The following NCKAP1 variants were observed in gnomAD, a reference collection of about 807,000 sequenced individuals.
NCKAP1 encodes the protein nck-associated protein 1.
NCKAP1 carries 21 observed loss-of-function variants against 151.2 expected under a neutral mutation model. The observed-to-expected ratio is 0.14, with a 90% CI of 0.10 to 0.20. NCKAP1 has a LOEUF of 0.20. Ranked by LOEUF, NCKAP1 falls within the 10% of genes least tolerant of loss-of-function variation. The pLI, the probability that NCKAP1 is intolerant of heterozygous loss-of-function variation, is 1.00. For missense variants in NCKAP1, 933 were observed against 1,352.1 expected (o/e 0.69, Z 4.86); for synonymous variants, 484 against 451.8 (o/e 1.07, Z -0.90).
At chr2:182,941,609 G>C (rs1230795751) in intron 24 of NCKAP1, among the ~76,000 whole-genome samples, 1 of 152,162 alleles carries the variant, frequency 6.6e-6, no homozygotes, top group Non-Finnish European at 1.5e-5. Flanking sequence ...TGATGGAACT[G>C]TTCTATATCT....
intron 18 of NCKAP1, among the ~76,000 whole-genome samples, chr2:182,959,702 A>G (rs893931296): frequency 6.6e-6 from 1 of 151,914 alleles, no homozygotes; most frequent in African/African-American, 2.4e-5. Flanking sequence ...CTCTCTCACC[A>G]CTCCTATTCA....
At chr2:183,026,098 C>G (rs1300427461) in intron 1 of NCKAP1, among the ~76,000 whole-genome samples, 1 of 152,088 alleles carries the variant, frequency 6.6e-6, no homozygotes, top group Non-Finnish European at 1.5e-5. Context: ...CACACATACA[C>G]ATATATAAAT....
Position 182,926,846 on chromosome 2 carries a change from A to G in NCKAP1, c.3240T>C (p.Asn1080=). 6.2e-7 allele frequency: 1 copy of G among 1,604,556 alleles called. No homozygotes were observed. The highest frequency in any genetic ancestry group is 2.2e-5 in the East Asian group (1 of 44,558). The part of the protein sequence containing the change: ...GQETDKTTTR[N]RESVYLLLDM... ...CTAGCAGTAAATAAACAGATTCTCTATTTCTTGTTGTAGTTTTATCTGTCT... is the reference window on the plus strand; with the variant it reads ...CTAGCAGTAAATAAACAGATTCTCTGTTTCTTGTTGTAGTTTTATCTGTCT... Residue 1080 remains asparagine (N), a synonymous_variant, in exon 30 of 31, where the codon AAT becomes AAC. Transcript: ENST00000361354.
At chr2:182,954,179 G>T (rs1697277500) in intron 20 of NCKAP1, among the ~76,000 whole-genome samples, 1 of 152,120 alleles carries the variant, frequency 6.6e-6, no homozygotes, top group Admixed American at 6.5e-5. Context: ...CTGACTTAGT[G>T]CTGCCTCTAA....
intron 4 of NCKAP1, 32 bp downstream of exon 4, chr2:183,002,942 T>C: frequency 6.4e-7 from 1 of 1,553,878 alleles, no homozygotes; most frequent in Non-Finnish European, 8.9e-7. Context: ...GGAAACAGAA[T>C]AATTGGACAT....
intron 24 of NCKAP1, among the ~76,000 whole-genome samples, chr2:182,938,607 G>C (rs1696929986): frequency 6.6e-6 from 1 of 152,094 alleles, no homozygotes. Context: ...AGTAAGACAG[G>C]TGGTAAGATG....
At chr2:182,949,847 T>C (rs569102134) in intron 23 of NCKAP1, among the ~76,000 whole-genome samples, 3 of 152,290 alleles carry the variant, frequency 2.0e-5, no homozygotes, top group South Asian at 4.2e-4. Flanking sequence ...CCAACAAATA[T>C]TTACTAAGTG....
At chr2:183,004,881 T>A (rs564805337) in intron 2 of NCKAP1, among the ~76,000 whole-genome samples, 1 of 30,436 alleles carries the variant, frequency 3.3e-5, no homozygotes, top group East Asian at 9.7e-4. Context: ...TGAGACTCCA[T>A]CTCAAAAAAA....
intron 13 of NCKAP1, among the ~76,000 whole-genome samples, 200 bp downstream of exon 13, chr2:182,981,044 T>C (rs758747703): frequency 1.3e-5 from 2 of 152,246 alleles, no homozygotes; most frequent in Non-Finnish European, 2.9e-5. Context: ...CTGAGCTTTA[T>C]ATATACTTAA....
chr2:182,948,899 C>T (rs893234521), intron 23 of NCKAP1, among the ~76,000 whole-genome samples: 15 of 152,292 alleles, frequency 9.8e-5, no homozygotes, highest in Non-Finnish European at 2.1e-4. Context: ...TTATCTGAAA[C>T]TCATTCTTGG....
chr2:182,923,838 T>G lies in NCKAP1; in HGVS notation c.*1864A>C, dbSNP rs1314969917. On this transcript the variant is annotated 3_prime_UTR_variant, in exon 31 of 31. Transcript: ENST00000361354. ...GCCACGCCTCCTCCCCCGCCTTTGC[T>G]GTATGAGAAAAAATTTGGACAAAAA... The G allele has an allele frequency of 1.3e-5, 2 of 152,228 alleles. No individual in the cohort carries two copies. The highest frequency in any genetic ancestry group is 2.9e-5 in the Non-Finnish European group (2 of 68,040). 9.4% of individuals were successfully genotyped at this position (152,228 alleles called of 1,614,324 possible).
At chr2:182,965,083 T>C (rs6724104) in intron 16 of NCKAP1, among the ~76,000 whole-genome samples, 1 of 152,094 alleles carries the variant, frequency 6.6e-6, no homozygotes, top group African/African-American at 2.4e-5. Context: ...TAAGTCACTA[T>C]AAATAGGAAA....
intron 15 of NCKAP1, among the ~76,000 whole-genome samples, chr2:182,972,066 T>G (rs1010748355): frequency 2.0e-5 from 3 of 151,414 alleles, no homozygotes; most frequent in African/African-American, 7.3e-5. Flanking sequence ...AATGGATAAA[T>G]AGGATCACAT....
rs567050117 is a variant in NCKAP1, at chr2:182,980,929, CACCTGATTTATGAT to C, written c.1341+301_1341+314del. ...ACCAGGGTGATCTTTTTAAGTAGTA[CACCTGATTTATGAT>C]TAACCTCCTCTTTCCCAAGGCCCTC... On this transcript the variant is annotated intron_variant, in intron 13 of 30. Transcript: ENST00000361354. 2.0e-4 allele frequency among the ~76,000 whole-genome samples: 30 copies of C among 152,230 alleles called. 2 individuals are homozygous for C. The South Asian group carries it at 4.4e-3, about 22-fold the overall frequency.
intron 23 of NCKAP1, among the ~76,000 whole-genome samples, chr2:182,951,813 T>C (rs1280082540): frequency 6.6e-6 from 1 of 152,136 alleles, no homozygotes. Context: ...AGTTATTATA[T>C]ATACAGATTC....
At position 182,910,345 on chromosome 2, in the gene NCKAP1, A is replaced by G. The variant is rs1371073098; in HGVS notation, c.*15357T>C. The G allele has an allele frequency of 1.3e-5, 2 of 152,240 alleles. No homozygotes were observed. Among genetic ancestry groups the G allele is most frequent in the Non-Finnish European group, 2.9e-5 (2 of 68,072 alleles). The allele number at this position is 152,240 out of a possible 1,614,324, so 9.4% of individuals were successfully genotyped here. ...GGCAAATGTACTAAAATTCTTTGAG[A>G]GATGAGAGGAAATATTTTTCAGAAG... On this transcript the variant is annotated 3_prime_UTR_variant, in exon 31 of 31. Coordinates refer to ENST00000361354, the MANE Select transcript of NCKAP1 (RefSeq NM_013436.5).
chr2:183,030,444 G>C (rs1291902247), intron 1 of NCKAP1, among the ~76,000 whole-genome samples: 1 of 152,116 alleles, frequency 6.6e-6, no homozygotes, highest in Non-Finnish European at 1.5e-5. Flanking sequence ...AAATAGGGAA[G>C]AACAAAATGA....
chr2:182,995,247 T>C (rs1698245642), intron 7 of NCKAP1, among the ~76,000 whole-genome samples: 2 of 152,324 alleles, frequency 1.3e-5, no homozygotes, highest in South Asian at 4.1e-4. Flanking sequence ...CATTTATGTG[T>C]CTGAATACTC....
At chr2:183,016,410 T>C (rs1372527402) in intron 2 of NCKAP1, among the ~76,000 whole-genome samples, 2 of 152,230 alleles carry the variant, frequency 1.3e-5, no homozygotes. Flanking sequence ...GACTTTTACA[T>C]GTCTAAGAGT....
Sources: allele counts gnomAD v4.1 joint callset (sites outside exome capture counted in the v4.1 genomes callset), GRCh38; gene constraint gnomAD v4.1.1; transcripts MANE v1.5; gene names NCBI Gene and HGNC (gene_info 2026-07-23, HGNC 2026-07-21).